Variants in FAM117B observed in about 807,000 individuals in gnomAD.
The protein encoded by FAM117B is family with sequence similarity 117 member B, also known as protein FAM117B.
A neutral mutation model predicts 52.8 loss-of-function variants in FAM117B; 22 were observed. That is an observed-to-expected ratio of 0.42 (90% CI 0.30 to 0.59). The LOEUF is 0.59. Ranked by LOEUF, FAM117B falls within the 20% of genes least tolerant of loss-of-function variation. The pLI is 0.22. For missense variants in FAM117B, 678 were observed against 802.6 expected, an observed-to-expected ratio of 0.84 and a Z score of 1.88; for synonymous variants, 309 against 324.1, an observed-to-expected ratio of 0.95 and a Z score of 0.50.
chr2:202,640,735 G>T (rs1478626020), intron 1 of FAM117B, among the ~76,000 whole-genome samples: 1 of 151,634 alleles, frequency 6.6e-6, no homozygotes, highest in Non-Finnish European at 1.5e-5. Context: ...TTAGCTTCCC[G>T]AGTAGCTGGG....
intron 3 of FAM117B, among the ~76,000 whole-genome samples, chr2:202,725,956 ATTG>A (rs1691236946): frequency 6.6e-6 from 1 of 152,228 alleles, no homozygotes; most frequent in Non-Finnish European, 1.5e-5. Flanking sequence ...AATGAGAATG[ATTG>A]TTATTTTTTT....
chr2:202,685,268 A>G lies in FAM117B; in HGVS notation c.602-10613A>G, dbSNP rs193208721. Among the ~76,000 whole-genome samples the G allele has an allele frequency of 1.2e-3, 186 of 152,322 alleles. 1 individual carries two copies. Among genetic ancestry groups the G allele is most frequent in the African/African-American group, 4.3e-3 (180 of 41,554 alleles). ...CCAAAGTGCTAGGATTACAGGTGTG[A>G]GCTACTGTGCCTGGCCAATTATCTC... On this transcript the variant is annotated intron_variant, in intron 1 of 7. Transcript: ENST00000392238.
chr2:202,672,901 G>A (rs1173933796), intron 1 of FAM117B, among the ~76,000 whole-genome samples: 2 of 152,036 alleles, frequency 1.3e-5, no homozygotes, highest in African/African-American at 4.8e-5. Context: ...TTAGCCAGGC[G>A]AGCTGACATG....
chr2:202,673,445 T>G (rs1244160738), intron 1 of FAM117B, among the ~76,000 whole-genome samples: 2 of 119,524 alleles, frequency 1.7e-5, no homozygotes, highest in Non-Finnish European at 3.5e-5. Flanking sequence ...TTTTTTTTTT[T>G]TTTTTTTTTT....
At chr2:202,689,595 C>T (rs560586762) in intron 1 of FAM117B, among the ~76,000 whole-genome samples, 23 of 152,158 alleles carry the variant, frequency 1.5e-4, no homozygotes, top group Middle Eastern at 3.4e-3. Context: ...CTTGCTGTTT[C>T]TGTGGATAAT....
At chr2:202,672,030 G>A (rs1690307429) in intron 1 of FAM117B, among the ~76,000 whole-genome samples, 1 of 152,038 alleles carries the variant, frequency 6.6e-6, no homozygotes, top group Non-Finnish European at 1.5e-5. Flanking sequence ...CATAACCTGT[G>A]GCCAGACCAG....
chr2:202,753,183 G>A (rs775357478), intron 4 of FAM117B, among the ~76,000 whole-genome samples: 48 of 152,100 alleles, frequency 3.2e-4, no homozygotes, highest in South Asian at 1.4e-3. Context: ...ATAGACCAAC[G>A]GAGCAGGACA....
intron 1 of FAM117B, among the ~76,000 whole-genome samples, chr2:202,636,871 T>C (rs910833313): frequency 2.6e-5 from 4 of 152,218 alleles, no homozygotes; most frequent in South Asian, 4.1e-4. Flanking sequence ...TAGATAATAC[T>C]TATTTAGAGA....
At chr2:202,677,157 T>G (rs1247650175) in intron 1 of FAM117B, among the ~76,000 whole-genome samples, 1 of 150,716 alleles carries the variant, frequency 6.6e-6, no homozygotes. Context: ...AACCTCCGCC[T>G]CCGGGGTTTA....
At chr2:202,698,518 G>T (rs1690748193) in intron 2 of FAM117B, among the ~76,000 whole-genome samples, 1 of 152,066 alleles carries the variant, frequency 6.6e-6, no homozygotes, top group African/African-American at 2.4e-5. Context: ...TGCCTCCTGG[G>T]TACAAGCAAT....
At chr2:202,679,590 ATCAC>A in intron 1 of FAM117B, among the ~76,000 whole-genome samples, 1 of 152,192 alleles carries the variant, frequency 6.6e-6, no homozygotes, top group Non-Finnish European at 1.5e-5. Flanking sequence ...GTTGTTTTTG[ATCAC>A]CCAGTATGTT....
At chr2:202,683,093 C>T (rs112884371) in intron 1 of FAM117B, among the ~76,000 whole-genome samples, 34,365 of 152,032 alleles carry the variant, frequency 0.23, 4,587 homozygotes, top group Middle Eastern at 0.31. Context: ...TTTGGGAGGC[C>T]GAGGCGGGCA....
intron 7 of FAM117B, among the ~76,000 whole-genome samples, chr2:202,761,833 C>A (rs1691894849): frequency 6.6e-6 from 1 of 151,944 alleles, no homozygotes; most frequent in Admixed American, 6.6e-5. Flanking sequence ...AGTCATGTTA[C>A]ATGTTTTATG....
chr2:202,726,461 A>C (rs1348577015), intron 4 of FAM117B, 98 bp downstream of exon 4: 6 of 822,010 alleles, frequency 7.3e-6, no homozygotes, highest in African/African-American at 1.7e-5. Context: ...AAATGCTCAA[A>C]AACATATTTG....
intron 4 of FAM117B, among the ~76,000 whole-genome samples, chr2:202,743,184 T>C (rs779754029): frequency 5.9e-5 from 9 of 152,208 alleles, no homozygotes; most frequent in Non-Finnish European, 1.0e-4. Context: ...TGCTGATGCC[T>C]GAGGACTAGC....
intron 4 of FAM117B, among the ~76,000 whole-genome samples, chr2:202,731,737 T>G (rs1691354519): frequency 6.6e-6 from 1 of 151,594 alleles, no homozygotes; most frequent in Non-Finnish European, 1.5e-5. Context: ...GCCTACTTTT[T>G]TTTGTTTGTT....
rs1476079292 is a variant in FAM117B, at chr2:202,691,698, T to TGTGTGTGTGC, written c.602-4182_602-4181insTGTGTGTGCG. On this transcript the variant is annotated intron_variant, in intron 1 of 7. Coordinates refer to ENST00000392238, the MANE Select transcript of FAM117B (RefSeq NM_173511.4). ...GTGTGTGTGTGTGTGTGTGTGTGTGTGCGCGCGCGCCTCCCCACCCTGCCA... is the reference window on the plus strand; with the variant it reads ...GTGTGTGTGTGTGTGTGTGTGTGTGTGTGTGTGTGCGCGCGCGCGCCTCCCCACCCTGCCA... Among the ~76,000 whole-genome samples the TGTGTGTGTGC allele has an allele frequency of 3.2e-3, 426 of 131,120 alleles. 1 individual carries two copies. Among genetic ancestry groups the TGTGTGTGTGC allele is most frequent in the South Asian group, 8.5e-3 (32 of 3,746 alleles). The allele number at this position is 131,120 out of a possible 152,430, so 86.0% of individuals were successfully genotyped here.
At chr2:202,649,121 T>G (rs1689917593) in intron 1 of FAM117B, among the ~76,000 whole-genome samples, 1 of 152,218 alleles carries the variant, frequency 6.6e-6, no homozygotes, top group Admixed American at 6.5e-5. Context: ...GTCAGATATA[T>G]TTTGGGAATT....
chr2:202,656,955 C>G (rs1574543937), intron 1 of FAM117B, among the ~76,000 whole-genome samples: 1 of 152,000 alleles, frequency 6.6e-6, no homozygotes, highest in Non-Finnish European at 1.5e-5. Context: ...TTTTCTTGTT[C>G]TTAAGTCTAC....
Sources: allele counts gnomAD v4.1 joint callset (sites outside exome capture counted in the v4.1 genomes callset), GRCh38; gene constraint gnomAD v4.1.1; transcripts MANE v1.5; gene names NCBI Gene and HGNC (gene_info 2026-07-23, HGNC 2026-07-21).